ABHD5: variants seen among roughly 807,000 people sequenced by gnomAD.
The protein encoded by ABHD5 is abhydrolase domain containing 5, lysophosphatidic acid acyltransferase.
A neutral mutation model predicts 44.9 loss-of-function variants in ABHD5; 30 were observed. The observed-to-expected ratio is 0.67, with a 90% confidence interval of 0.50 to 0.91. The LOEUF (loss-of-function observed/expected upper bound fraction) is 0.91, where lower values mean the gene tolerates loss of function less well. Ranked by LOEUF, ABHD5 falls within the 40% of genes least tolerant of loss-of-function variation. The probability of loss-of-function intolerance (pLI) is 0.00; values close to 1 mark genes in which losing one functional copy is unlikely to be tolerated. For missense variants in ABHD5, 399 were observed against 423.4 expected, an observed-to-expected ratio of 0.94 and a Z score of 0.50; for synonymous variants, 167 against 147.0, an observed-to-expected ratio of 1.14 and a Z score of -0.99.
chr3:43,693,168 T>A (rs916173108), intron 1 of ABHD5, among the ~76,000 whole-genome samples: 2 of 152,222 alleles, frequency 1.3e-5, no homozygotes, highest in Non-Finnish European at 2.9e-5. Flanking sequence ...GTCACAGAAT[T>A]GCTCAGTTGC....
At chr3:43,699,633 T>C (rs141931127) in intron 2 of ABHD5, 7 of 323,320 alleles carry the variant, frequency 2.2e-5, no homozygotes, top group African/African-American at 1.5e-4. Flanking sequence ...TCAATATTTA[T>C]CATTTCTAAT....
At chr3:43,715,364 T>C (rs2084751099) in intron 5 of ABHD5, among the ~76,000 whole-genome samples, 1 of 152,082 alleles carries the variant, frequency 6.6e-6, no homozygotes, top group Non-Finnish European at 1.5e-5. Context: ...GGTTTCTCCA[T>C]GTTGGTCAGG....
intron 3 of ABHD5, among the ~76,000 whole-genome samples, chr3:43,703,052 A>G (rs2084565261): frequency 6.6e-6 from 1 of 152,204 alleles, no homozygotes; most frequent in Admixed American, 6.5e-5. Context: ...CCTAAACTAT[A>G]GAAAATACAA....
At chr3:43,723,821 A>G (rs1240190789), downstream of ABHD5, among the ~76,000 whole-genome samples, 2 of 152,236 alleles carry the variant, frequency 1.3e-5, no homozygotes, top group Non-Finnish European at 2.9e-5. Context: ...TTATTTGAAC[A>G]AAACAAAAAG....
Position 43,730,452 on chromosome 3 carries a change from A to T in ABHD5, c.*30-3428A>T, listed in dbSNP as rs574280067. ...TCTAATAGATATTCCAGAAAGAGAG[A>T]CTTTAAGGTTTTCTTTTTTGTTTTA... is the stretch of plus-strand genomic sequence containing the variant. On this transcript the variant is annotated intron_variant, in intron 7 of 7. Transcript: ENST00000454293. Among the ~76,000 whole-genome samples the T allele has an allele frequency of 6.0e-5, 9 of 151,210 alleles. No individual in the cohort carries two copies. In the East Asian group the frequency reaches 1.6e-3, roughly 26 times the overall value.
chr3:43,699,241 C>T, intron 1 of ABHD5, 35 bp from the exon 2 acceptor site: 1 of 1,555,930 alleles, frequency 6.4e-7, no homozygotes, highest in South Asian at 1.1e-5. Flanking sequence ...AGAGCATGAA[C>T]TCACCTATTT....
rs1201672279 is a variant in ABHD5, at chr3:43,711,792, G to C, written c.590G>C (p.Trp197Ser). The change falls in exon 4 of 7, where the codon TGG becomes TCG. Residue 197 changes from tryptophan (W) to serine (S), a missense_variant. Trp to Ser is a radical substitution (Grantham distance 177). Coordinates refer to ENST00000644371, the MANE Select transcript of ABHD5 (RefSeq NM_016006.6). ...LADQDRPIPV[W>S]IRALGAALTP... ...GATCAAGACAGACCAATTCCAGTTT[G>C]GATCAGAGCCTTGGGAGCAGCATTG... 5.0e-6 allele frequency: 8 copies of C among 1,614,180 alleles called. No homozygotes were observed. The highest frequency in any genetic ancestry group is 6.8e-6 in the Non-Finnish European group (8 of 1,180,040).
rs1329905996 is a variant in ABHD5 at position 43,720,369 on chromosome 3, T to G, written c.*1837T>G. 6.6e-6 allele frequency: 1 copy of G among 152,192 alleles called. No homozygotes were observed. Among genetic ancestry groups the G allele is most frequent in the Non-Finnish European group, 1.5e-5 (1 of 68,026 alleles). 9.4% of individuals were successfully genotyped at this position (152,192 alleles called of 1,614,324 possible). On this transcript the variant is annotated 3_prime_UTR_variant, in exon 7 of 7. Coordinates refer to ENST00000644371, the MANE Select transcript of ABHD5 (RefSeq NM_016006.6). ...CCTTGGAAGGAAGAAGTTCCTTCGT[T>G]TACTTAGTGAATGGAGTTTCTGGCC...
chr3:43,691,113 G>A, intron 1 of ABHD5, 74 bp downstream of exon 1: 18 of 1,395,904 alleles, frequency 1.3e-5, no homozygotes, highest in Non-Finnish European at 1.6e-5. Context: ...AGGGCCCAGC[G>A]GGCAGCACCA....
chr3:43,721,194 A>C lies in ABHD5; in HGVS notation c.*2662A>C, dbSNP rs1207749715. 6.6e-6 allele frequency: 1 copy of C among 152,168 alleles called. No homozygotes were observed. The highest frequency in any genetic ancestry group is 1.5e-5 in the Non-Finnish European group (1 of 68,028). 9.4% of individuals were successfully genotyped at this position (152,168 alleles called of 1,614,324 possible). ...CATGATAAAGCATCTCATTCAGAGA[A>C]AAAGGCTTTAAAAATGGTGTTGAGA... On this transcript the variant is annotated 3_prime_UTR_variant, in exon 7 of 7. Transcript: ENST00000644371.
chr3:43,711,753 G>A lies in ABHD5; in HGVS notation c.551G>A (p.Arg184Gln), dbSNP rs185446640. The A allele has an allele frequency of 1.8e-5, 29 of 1,614,122 alleles. No homozygotes were observed. The East Asian group carries it at 5.1e-4, about 29-fold the overall frequency. Residue 184 changes from arginine to glutamine, a missense_variant, in exon 4 of 7, where the codon CGA becomes CAA. Physicochemically the swap from Arg to Gln is conservative, Grantham distance 43. Transcript: ENST00000644371. ...ILVEPWGFPE[R>Q]PDLADQDRPI... Reference sequence around the variant, plus strand: ...GTGGAGCCTTGGGGTTTCCCTGAACGACCAGACCTTGCTGATCAAGACAGA... The same window carrying A: ...GTGGAGCCTTGGGGTTTCCCTGAACAACCAGACCTTGCTGATCAAGACAGA...
Position 43,702,268 on chromosome 3 carries a change from A to T in ABHD5, c.187A>T (p.Ile63Leu). Reference protein sequence around the residue: ...EPVRISNGNKIWTLKFSHNIS... With the variant: ...EPVRISNGNKLWTLKFSHNIS... ...TGTTCGTATATCTAATGGAAATAAA[A>T]TATGGACACTGAAGTTCTCTCATAA... Residue 63 changes from isoleucine to leucine, a missense_variant, in exon 3 of 7, where the codon ATA becomes TTA. Transcript: ENST00000644371. The T allele has an allele frequency of 6.3e-7, 1 of 1,598,006 alleles. No individual in the cohort carries two copies. The highest frequency in any genetic ancestry group is 1.7e-5 in the Admixed American group (1 of 58,592).
At chr3:43,707,142 C>T (rs1374096755) in intron 3 of ABHD5, among the ~76,000 whole-genome samples, 2 of 152,068 alleles carry the variant, frequency 1.3e-5, no homozygotes, top group Admixed American at 6.6e-5. Context: ...CCTTCTGGCC[C>T]CTGCTGCTCA....
Position 43,720,296 on chromosome 3 carries a change from G to A in ABHD5, c.*1764G>A, listed in dbSNP as rs2149608198. 6.6e-6 allele frequency: 1 copy of A among 152,254 alleles called. No homozygotes were observed. The highest frequency in any genetic ancestry group is 3.4e-3 in the Middle Eastern group (1 of 294). The allele number at this position is 152,254 out of a possible 1,614,324, so 9.4% of individuals were successfully genotyped here. A position where few individuals can be genotyped will look rare whatever the true frequency, so the allele number is the denominator to read the frequency against. Reference sequence around the variant, plus strand: ...ATTATCCTTTGCTGGGAGAATGACAGGTTTCACTTATACAGGAAGGTTTTT... The same window carrying A: ...ATTATCCTTTGCTGGGAGAATGACAAGTTTCACTTATACAGGAAGGTTTTT... On this transcript the variant is annotated 3_prime_UTR_variant, in exon 7 of 7. Coordinates refer to ENST00000644371, the MANE Select transcript of ABHD5 (RefSeq NM_016006.6).
intron 7 of ABHD5, among the ~76,000 whole-genome samples, chr3:43,728,033 T>C (rs1312250108): frequency 6.6e-6 from 1 of 152,208 alleles, no homozygotes; most frequent in Non-Finnish European, 1.5e-5. Flanking sequence ...TTGTAAGCCC[T>C]TCTCTCTTTG....
Position 43,717,825 on chromosome 3 carries a change from T to A in ABHD5, c.928T>A (p.Ser310Thr). Residue 310 changes from serine (S) to threonine (T), a missense_variant, in exon 6 of 7, where the codon TCC (serine) becomes ACC (threonine). Ser to Thr is a moderately conservative substitution (Grantham distance 58). Coordinates refer to ENST00000644371, the MANE Select transcript of ABHD5 (RefSeq NM_016006.6). ...IDGNSGTSIQSLRPHSYVKTI... is the reference protein window; with the variant it reads ...IDGNSGTSIQTLRPHSYVKTI... ...TGGCAATTCTGGCACCAGCATCCAG[T>A]CCTTACGACCACATTCATATGTGAA... is the stretch of plus-strand genomic sequence containing the variant. The A allele has an allele frequency of 6.2e-7, 1 of 1,614,212 alleles. No homozygotes were observed. Among genetic ancestry groups the A allele is most frequent in the Non-Finnish European group, 8.5e-7 (1 of 1,180,024 alleles).
rs1166378430 is a variant in ABHD5 at position 43,718,566 on chromosome 3, CTGAT to C, written c.*35_*38del. On this transcript the variant is annotated 3_prime_UTR_variant, in exon 7 of 7. Transcript: ENST00000644371. ...AAGCTCTGATGGGAAAACCTGGTGACTGATATAGTTGTTCAGCAATAATTCATAG... is the reference window on the plus strand; with the variant it reads ...AAGCTCTGATGGGAAAACCTGGTGACATAGTTGTTCAGCAATAATTCATAG... The C allele has an allele frequency of 2.5e-6, 4 of 1,581,258 alleles. No individual in the cohort carries two copies. The African/African-American group carries it at 5.4e-5, about 21-fold the overall frequency.
chr3:43,720,648 C>T lies in ABHD5; in HGVS notation c.*2116C>T, dbSNP rs1028830783. 8 of 152,110 alleles carry T rather than the reference C, an allele frequency of 5.3e-5. No individual in the cohort carries two copies. The highest frequency in any genetic ancestry group is 8.8e-5 in the Non-Finnish European group (6 of 68,016). 9.4% of individuals were successfully genotyped at this position (152,110 alleles called of 1,614,324 possible). On this transcript the variant is annotated 3_prime_UTR_variant, in exon 7 of 7. Coordinates refer to ENST00000644371, the MANE Select transcript of ABHD5 (RefSeq NM_016006.6). The stretch of plus-strand genomic sequence containing the variant: ...AGTACAGCATTTGATCTTTGTTATG[C>T]ACAGCATACTTTTATTTTACAGAAT...
chr3:43,710,628 C>G (rs1466676787), intron 3 of ABHD5, among the ~76,000 whole-genome samples: 1 of 152,296 alleles, frequency 6.6e-6, no homozygotes, highest in South Asian at 2.1e-4. Context: ...CTAACTTATT[C>G]TTATGCATGC....
Sources: gnomAD v4.1 joint callset for allele counts (sites outside exome capture counted in the v4.1 genomes callset) on GRCh38, gnomAD v4.1.1 for gene constraint, MANE v1.5 for transcripts, NCBI Gene and HGNC (gene_info 2026-07-23, HGNC 2026-07-21) for gene names.